Variants in CTTNBP2 observed in about 807,000 individuals in gnomAD.
The protein encoded by CTTNBP2 is cortactin binding protein 2.
A neutral mutation model predicts 156.9 loss-of-function variants in CTTNBP2; 108 were observed. That is an observed-to-expected ratio of 0.69 (90% CI 0.59 to 0.81). The LOEUF (loss-of-function observed/expected upper bound fraction) is 0.81, where lower values mean the gene tolerates loss of function less well. CTTNBP2 is among the 30% of genes least tolerant of loss of function. CTTNBP2 has a pLI of 0.00. For missense variants in CTTNBP2, 1,924 were observed against 2,035.4 expected (o/e 0.95, Z 1.05); for synonymous variants, 767 against 751.8 (o/e 1.02, Z -0.33).
chr7:117,818,644 T>A (rs1405845542), intron 2 of CTTNBP2, among the ~76,000 whole-genome samples: 6 of 152,202 alleles, frequency 3.9e-5, no homozygotes, highest in Non-Finnish European at 8.8e-5. Context: ...ACTGGACTTC[T>A]GGACTCACTT....
chr7:117,781,397 T>A (rs1563000489), intron 6 of CTTNBP2, among the ~76,000 whole-genome samples: 1 of 152,252 alleles, frequency 6.6e-6, no homozygotes, highest in African/African-American at 2.4e-5. Context: ...TTATACATTT[T>A]TTTTAAATTA....
intron 1 of CTTNBP2, among the ~76,000 whole-genome samples, chr7:117,862,968 G>C (rs1180678155): frequency 6.6e-6 from 1 of 152,194 alleles, no homozygotes; most frequent in Admixed American, 6.5e-5. Context: ...TAAGCTCTTT[G>C]AGATGAGATA....
chr7:117,754,740 C>G (rs551694930), intron 12 of CTTNBP2, among the ~76,000 whole-genome samples: 1 of 152,312 alleles, frequency 6.6e-6, no homozygotes, highest in African/African-American at 2.4e-5. Flanking sequence ...TGTACACTCA[C>G]TGAATTCAAT....
intron 1 of CTTNBP2, among the ~76,000 whole-genome samples, chr7:117,872,531 C>G (rs890373430): frequency 6.6e-6 from 1 of 152,054 alleles, no homozygotes; most frequent in East Asian, 1.9e-4. Flanking sequence ...AAACCACCAG[C>G]GAGTCTCTAC....
intron 8 of CTTNBP2, among the ~76,000 whole-genome samples, chr7:117,776,734 C>T (rs1018465738): frequency 2.0e-5 from 3 of 152,124 alleles, no homozygotes; most frequent in Non-Finnish European, 4.4e-5. Context: ...TTCTTTTTCC[C>T]GTAATTGCTG....
chr7:117,770,180 T>C (rs191051358), intron 8 of CTTNBP2, among the ~76,000 whole-genome samples: 159 of 152,358 alleles, frequency 1.0e-3, no homozygotes, highest in Non-Finnish European at 1.9e-3. Flanking sequence ...TTAAGTGTTA[T>C]TACTTCAGAT....
chr7:117,726,090 C>G (rs910389541), intron 17 of CTTNBP2, among the ~76,000 whole-genome samples: 4 of 152,188 alleles, frequency 2.6e-5, no homozygotes, highest in Admixed American at 1.3e-4. Flanking sequence ...AATCAGCTAT[C>G]ACCTCAGGTG....
At chr7:117,841,330 T>C (rs991068897) in intron 2 of CTTNBP2, among the ~76,000 whole-genome samples, 1 of 152,148 alleles carries the variant, frequency 6.6e-6, no homozygotes, top group Non-Finnish European at 1.5e-5. Flanking sequence ...TTAAGAAAAT[T>C]GTTTTGAACT....
chr7:117,719,795 C>T (rs1384805981), intron 20 of CTTNBP2, among the ~76,000 whole-genome samples, 159 bp from the exon 21 acceptor site: 1 of 152,082 alleles, frequency 6.6e-6, no homozygotes, highest in Admixed American at 6.6e-5. Context: ...AAGAAATTTC[C>T]ACAGGATTTT....
intron 3 of CTTNBP2, among the ~76,000 whole-genome samples, chr7:117,806,112 G>A (rs1676087062): frequency 6.6e-6 from 1 of 152,146 alleles, no homozygotes; most frequent in African/African-American, 2.4e-5. Flanking sequence ...ACTTTGCATG[G>A]AGCAGTAACA....
At chr7:117,777,848 G>A (rs1798193084) in intron 7 of CTTNBP2, 83 bp from the exon 8 acceptor site, 1 of 1,361,936 alleles carries the variant, frequency 7.3e-7, no homozygotes, top group Non-Finnish European at 1.0e-6. Context: ...ACTTCTAAAT[G>A]TTCTTGGGCA....
intron 2 of CTTNBP2, among the ~76,000 whole-genome samples, chr7:117,859,793 C>T (rs573450725): frequency 2.6e-5 from 4 of 152,328 alleles, no homozygotes; most frequent in South Asian, 2.1e-4. Context: ...AACTCAGTAT[C>T]GGCCACTATA....
chr7:117,861,288 C>T lies in CTTNBP2; in HGVS notation c.110G>A (p.Ser37Asn). Reference sequence around the variant, plus strand: ...GAGGAGCATCCGCAGCTCGGATTTACTGAGAGTATCCACATCAAACTCTTT... The same window carrying T: ...GAGGAGCATCCGCAGCTCGGATTTATTGAGAGTATCCACATCAAACTCTTT... ...AKKEFDVDTL[S>N]KSELRMLLSV... The change falls in exon 2 of 23, where the codon AGT becomes AAT. Residue 37 changes from serine (S) to asparagine (N), a missense_variant. Coordinates refer to ENST00000160373, the MANE Select transcript of CTTNBP2 (RefSeq NM_033427.3). The T allele has an allele frequency of 6.2e-7, 1 of 1,613,408 alleles. No homozygotes were observed. The highest frequency in any genetic ancestry group is 1.1e-5 in the South Asian group (1 of 90,838).
chr7:117,735,261 A>G lies in CTTNBP2; in HGVS notation c.3688+8T>C, dbSNP rs749932643. On this transcript the variant is annotated splice_region_variant and intron_variant, in intron 15 of 22. Coordinates refer to ENST00000160373, the MANE Select transcript of CTTNBP2 (RefSeq NM_033427.3). ...TGCTTCTCAGCATGGTCCCTTTATT[A>G]GCGTTACCTTTTTGGAAAGTGCAGG... 5 of 1,611,770 alleles carry G rather than the reference A, an allele frequency of 3.1e-6. No individual in the cohort carries two copies. Among genetic ancestry groups the G allele is most frequent in the Non-Finnish European group, 2.5e-6 (3 of 1,179,576 alleles).
At position 117,784,263 on chromosome 7, in the gene CTTNBP2, T is replaced by C. The variant is rs150611878; in HGVS notation, c.2260A>G (p.Asn754Asp). ...GHSALYSAAKNGHTDCVRLLL... is the reference protein window; with the variant it reads ...GHSALYSAAKDGHTDCVRLLL... Reference sequence around the variant, plus strand: ...TCGCCATATTTACCTGTATGTCCATTCTTAGCAGCAGAATACAAGGCAGAA... The same window carrying C: ...TCGCCATATTTACCTGTATGTCCATCCTTAGCAGCAGAATACAAGGCAGAA... The change falls in exon 5 of 23, where the codon AAT (asparagine) becomes GAT (aspartate). Residue 754 changes from asparagine (N) to aspartate (D), a missense_variant. Asn to Asp is a conservative substitution (Grantham distance 23, BLOSUM62 1). Coordinates refer to ENST00000160373, the MANE Select transcript of CTTNBP2 (RefSeq NM_033427.3). 8.7e-6 allele frequency: 14 copies of C among 1,607,902 alleles called. No homozygotes were observed. The African/African-American group carries it at 1.7e-4, about 20-fold the overall frequency.
rs745824112 is a variant in CTTNBP2 at position 117,792,619 on chromosome 7, C to T, written c.577G>A (p.Glu193Lys). 65 of 1,614,026 alleles carry T rather than the reference C, an allele frequency of 4.0e-5. No individual in the cohort carries two copies. Among genetic ancestry groups the T allele is most frequent in the Non-Finnish European group, 4.4e-5 (52 of 1,180,038 alleles). Residue 193 changes from glutamate to lysine, a missense_variant, in exon 4 of 23, where the codon GAA becomes AAA. Transcript: ENST00000160373. This position sits in a 1 kb window ranked among gnomAD's most constrained non-coding sequence, Gnocchi z 4.2. The stretch of plus-strand genomic sequence containing the variant: ...TCTTCCAGTTTGGCCATTACGTCTT[C>T]GAGCTTCTGGGCCTCCTCTATGACT... The part of the protein sequence containing the change: ...GKVIEEAQKL[E>K]DVMAKLEEEK...
intron 17 of CTTNBP2, among the ~76,000 whole-genome samples, chr7:117,725,868 A>G (rs1795068429): frequency 6.6e-6 from 1 of 152,098 alleles, no homozygotes; most frequent in Non-Finnish European, 1.5e-5. Flanking sequence ...TTGTACTTTT[A>G]GTAGAGATGG....
chr7:117,834,949 A>G (rs1237226107), intron 2 of CTTNBP2, among the ~76,000 whole-genome samples: 1 of 152,234 alleles, frequency 6.6e-6, no homozygotes, highest in East Asian at 1.9e-4. Flanking sequence ...TTCAGGTTTC[A>G]TTTGTTTACT....
chr7:117,854,149 A>G (rs1392814627), intron 2 of CTTNBP2, among the ~76,000 whole-genome samples: 3 of 152,226 alleles, frequency 2.0e-5, no homozygotes, highest in Non-Finnish European at 2.9e-5. Context: ...TTTCTCTAGC[A>G]TGGCACAAAA....
Sources: gnomAD v4.1 joint callset for allele counts (sites outside exome capture counted in the v4.1 genomes callset) on GRCh38, gnomAD v4.1.1 for gene constraint, Gnocchi (gnomAD v3.1) non-coding constraint, MANE v1.5 for transcripts, NCBI Gene and HGNC (gene_info 2026-07-23, HGNC 2026-07-21) for gene names.